Variants in AVL9 observed in about 807,000 individuals in gnomAD.
The protein encoded by AVL9 is AVL9 cell migration associated.
A neutral mutation model predicts 79.2 loss-of-function variants in AVL9; 49 were observed. The ratio of observed to expected loss-of-function variants is 0.62; its 90% CI spans 0.49 to 0.79. The LOEUF (loss-of-function observed/expected upper bound fraction) is 0.79. AVL9 is among the 30% of genes least tolerant of loss of function. The pLI is 0.00. For missense variants in AVL9, 682 were observed against 776.8 expected (o/e 0.88, Z 1.45); for synonymous variants, 299 against 280.6 (o/e 1.07, Z -0.65).
chr7:32,580,210 T>G lies in AVL9; in HGVS notation c.1689-9T>G. The G allele has an allele frequency of 1.2e-6, 2 of 1,609,372 alleles. No homozygotes were observed. Among genetic ancestry groups the G allele is most frequent in the South Asian group, 1.1e-5 (1 of 90,196 alleles). ...ATACTGATAGTTTAAACTCAAACTT[T>G]TTTTACAGCCATCCATTTCAAGGCC... On this transcript the variant is annotated splice_polypyrimidine_tract_variant and intron_variant, in intron 13 of 15. Transcript: ENST00000318709.
chr7:32,507,391 C>T (rs567417889), intron 1 of AVL9, among the ~76,000 whole-genome samples: 1 of 152,318 alleles, frequency 6.6e-6, no homozygotes, highest in Non-Finnish European at 1.5e-5. Flanking sequence ...ACCCCAGAAG[C>T]GACTCTTGTG....
chr7:32,505,215 A>T (rs1198831298), intron 1 of AVL9, among the ~76,000 whole-genome samples: 1 of 151,918 alleles, frequency 6.6e-6, no homozygotes, highest in Non-Finnish European at 1.5e-5. Flanking sequence ...ATCAAATCTA[A>T]TTTAAAAGTT....
At chr7:32,533,532 C>G (rs1285374116) in intron 1 of AVL9, 2 of 152,088 alleles carry the variant, frequency 1.3e-5, no homozygotes, top group Non-Finnish European at 2.9e-5. Context: ...ATGCCAATTG[C>G]TTTGTAGTAT....
At chr7:32,560,191 G>A (rs1320963091) in intron 10 of AVL9, among the ~76,000 whole-genome samples, 3 of 151,810 alleles carry the variant, frequency 2.0e-5, no homozygotes, top group Non-Finnish European at 4.4e-5. Flanking sequence ...TCCAGACTGG[G>A]TGACAGAGGG....
At chr7:32,500,322 C>T (rs1433625850) in intron 1 of AVL9, among the ~76,000 whole-genome samples, 1 of 152,206 alleles carries the variant, frequency 6.6e-6, no homozygotes, top group Admixed American at 6.5e-5. Context: ...TTTTGATTTG[C>T]ATTTCTCTAA....
intron 1 of AVL9, among the ~76,000 whole-genome samples, chr7:32,513,632 C>T (rs1262284066): frequency 1.3e-5 from 2 of 152,212 alleles, no homozygotes; most frequent in East Asian, 1.9e-4. Context: ...CCCTCCACAC[C>T]TGTGGGTATT....
intron 8 of AVL9, among the ~76,000 whole-genome samples, chr7:32,557,353 T>G (rs1410495957): frequency 1.3e-5 from 2 of 152,094 alleles, no homozygotes; most frequent in Non-Finnish European, 2.9e-5. Context: ...ACACCTGACC[T>G]GATTGTTGTT....
At chr7:32,510,804 C>G (rs1389576909) in intron 1 of AVL9, among the ~76,000 whole-genome samples, 2 of 119,562 alleles carry the variant, frequency 1.7e-5, no homozygotes, top group Non-Finnish European at 3.6e-5. Context: ...CCTGGCACTT[C>G]TGAACTGCCC....
At chr7:32,523,571 A>G (rs1316326333) in intron 1 of AVL9, among the ~76,000 whole-genome samples, 1 of 113,838 alleles carries the variant, frequency 8.8e-6, no homozygotes, top group Non-Finnish European at 1.6e-5. Flanking sequence ...GCTGGAATGT[A>G]GTGGTGCAGT....
At chr7:32,518,394 A>G (rs1329367734) in intron 1 of AVL9, among the ~76,000 whole-genome samples, 1 of 152,232 alleles carries the variant, frequency 6.6e-6, no homozygotes, top group Non-Finnish European at 1.5e-5. Flanking sequence ...AACTTGTCAT[A>G]ATTTAGAATG....
chr7:32,558,846 A>T, intron 9 of AVL9, 83 bp from the exon 10 acceptor site: 2 of 1,259,024 alleles, frequency 1.6e-6, no homozygotes, highest in Non-Finnish European at 1.1e-6. Flanking sequence ...ATTAAATTTT[A>T]TAGGGGAGTC....
At chr7:32,535,558 T>C (rs1246653693) in intron 1 of AVL9, 1 of 152,142 alleles carries the variant, frequency 6.6e-6, no homozygotes, top group Non-Finnish European at 1.5e-5. Context: ...ATTGCAGAGA[T>C]GAGCTCTCTC....
chr7:32,514,892 C>T (rs1034671344), intron 1 of AVL9, among the ~76,000 whole-genome samples: 1 of 152,216 alleles, frequency 6.6e-6, no homozygotes, highest in African/African-American at 2.4e-5. Flanking sequence ...TTATTGCTCA[C>T]ACAAAGCCTG....
At chr7:32,543,026 A>T in intron 1 of AVL9, 115 bp from the exon 2 acceptor site, 1 of 1,308,840 alleles carries the variant, frequency 7.6e-7, no homozygotes, top group Non-Finnish European at 1.1e-6. Context: ...ATGACATTAT[A>T]CAGTGTGGCT....
chr7:32,546,780 C>T (rs1789529043), intron 3 of AVL9, among the ~76,000 whole-genome samples: 2 of 151,838 alleles, frequency 1.3e-5, no homozygotes, highest in African/African-American at 2.4e-5. Flanking sequence ...GCCGAGATGG[C>T]GCCACTGCAC....
intron 14 of AVL9, 133 bp downstream of exon 14, chr7:32,580,405 C>T: frequency 1.4e-6 from 1 of 691,980 alleles, no homozygotes; most frequent in Non-Finnish European, 2.5e-6. Context: ...ATGTGCATAA[C>T]ATTCTTTAGC....
chr7:32,501,858 C>T (rs1462450707), intron 1 of AVL9, among the ~76,000 whole-genome samples: 1 of 152,038 alleles, frequency 6.6e-6, no homozygotes, highest in Non-Finnish European at 1.5e-5. Flanking sequence ...CAGAAGGGCC[C>T]TAATCTACTA....
rs1583551740 is a variant in AVL9, at chr7:32,544,796, T to A, written c.300+17T>A. 6.3e-7 allele frequency: 1 copy of A among 1,588,028 alleles called. No individual in the cohort carries two copies. Among genetic ancestry groups the A allele is most frequent in the East Asian group, 2.2e-5 (1 of 44,648 alleles). ...GAAGCCAAGGTACGATAGTTAATAG[T>A]GAAAAACAATTCCAAAGTCCCTTCT... On this transcript the variant is annotated intron_variant, in intron 3 of 15. Coordinates refer to ENST00000318709, the MANE Select transcript of AVL9 (RefSeq NM_015060.3).
chr7:32,496,970 C>T (rs1036963906), intron 1 of AVL9, among the ~76,000 whole-genome samples: 2 of 152,194 alleles, frequency 1.3e-5, no homozygotes, highest in African/African-American at 4.8e-5. Context: ...CATGTGATAG[C>T]GCACTTGTAG....
Sources: allele counts gnomAD v4.1 joint callset (sites outside exome capture counted in the v4.1 genomes callset), GRCh38; gene constraint gnomAD v4.1.1; transcripts MANE v1.5; gene names NCBI Gene and HGNC (gene_info 2026-07-23, HGNC 2026-07-21).